The following DLGAP2 variants were observed in gnomAD, a reference collection of about 807,000 sequenced individuals.
The protein encoded by DLGAP2 is DLG associated protein 2, also known as disks large-associated protein 2.
In DLGAP2, 26 loss-of-function variants were observed where a neutral mutation model predicts 100.3. The ratio of observed to expected loss-of-function variants is 0.26; its 90% confidence interval spans 0.19 to 0.36. DLGAP2 has a LOEUF of 0.36. Ranked by LOEUF, DLGAP2 falls within the 10% of genes least tolerant of loss-of-function variation. The probability of loss-of-function intolerance (pLI) is 1.00; values close to 1 mark genes in which losing one functional copy is unlikely to be tolerated. For synonymous variants in DLGAP2, 886 were observed against 630.1 expected (o/e 1.41, Z -6.08); for missense variants, 1,858 against 1,453.2 (o/e 1.28, Z -4.53).
At chr8:1,629,247 G>T (rs1037927559) in intron 7 of DLGAP2, among the ~76,000 whole-genome samples, 2 of 152,178 alleles carry the variant, frequency 1.3e-5, no homozygotes, top group African/African-American at 4.8e-5. Flanking sequence ...ACTCAAGAAG[G>T]ATACCACCTC....
At chr8:1,184,231 C>G (rs904093730) in intron 2 of DLGAP2, among the ~76,000 whole-genome samples, 2 of 152,200 alleles carry the variant, frequency 1.3e-5, no homozygotes, top group Non-Finnish European at 2.9e-5. Context: ...TTAAGTTGCA[C>G]TAAAGAGAAC....
intron 2 of DLGAP2, among the ~76,000 whole-genome samples, chr8:1,232,532 G>C (rs1019751905): frequency 6.6e-6 from 1 of 152,244 alleles, no homozygotes; most frequent in Non-Finnish European, 1.5e-5. Flanking sequence ...ACTGTGCTGG[G>C]CTGAGGCTCA....
At chr8:777,973 A>G (rs1430697817) in intron 1 of DLGAP2, among the ~76,000 whole-genome samples, 3 of 151,990 alleles carry the variant, frequency 2.0e-5, no homozygotes, top group African/African-American at 7.3e-5. Flanking sequence ...TCTCCCCATC[A>G]CTTTCAGGTA....
At chr8:1,057,084 G>T (rs1802904150) in intron 2 of DLGAP2, among the ~76,000 whole-genome samples, 1 of 152,184 alleles carries the variant, frequency 6.6e-6, no homozygotes, top group African/African-American at 2.4e-5. Flanking sequence ...ATATTTTTCT[G>T]CATGAAAATG....
chr8:1,537,074 TGTGGTA>T (rs1801177729), intron 4 of DLGAP2, among the ~76,000 whole-genome samples: 1 of 151,262 alleles, frequency 6.6e-6, no homozygotes, highest in Non-Finnish European at 1.5e-5. Flanking sequence ...GTATGTGGTA[TGTGGTA>T]TGTGGTATGT....
intron 7 of DLGAP2, among the ~76,000 whole-genome samples, chr8:1,628,294 G>A (rs1260764762): frequency 6.8e-6 from 1 of 146,044 alleles, no homozygotes; most frequent in Non-Finnish European, 1.5e-5. Flanking sequence ...GACTTACTGT[G>A]GAGCAGGAAT....
At chr8:947,437 C>T (rs1051975920) in intron 2 of DLGAP2, among the ~76,000 whole-genome samples, 20 of 152,222 alleles carry the variant, frequency 1.3e-4, no homozygotes, top group African/African-American at 3.1e-4. Flanking sequence ...AGGCCCCTTA[C>T]GTCCGCGCGG....
chr8:1,449,834 T>C (rs13250345), intron 3 of DLGAP2, among the ~76,000 whole-genome samples: 21,215 of 75,210 alleles, frequency 0.28, 2,203 homozygotes, highest in East Asian at 0.48. Context: ...TCGGTGGCTG[T>C]GACTGTAGCG....
At chr8:1,103,868 T>C (rs1386261455) in intron 2 of DLGAP2, among the ~76,000 whole-genome samples, 3 of 152,130 alleles carry the variant, frequency 2.0e-5, no homozygotes, top group Non-Finnish European at 4.4e-5. Flanking sequence ...TGGAAATCAG[T>C]TCGAGGGGTC....
At chr8:1,507,190 G>C (rs745935048) in intron 4 of DLGAP2, among the ~76,000 whole-genome samples, 3 of 152,234 alleles carry the variant, frequency 2.0e-5, no homozygotes, top group Non-Finnish European at 2.9e-5. Context: ...AATGGGACCG[G>C]GCGCCGCGGA....
intron 3 of DLGAP2, among the ~76,000 whole-genome samples, chr8:1,465,012 A>G (rs938303602): frequency 1.3e-5 from 2 of 152,244 alleles, no homozygotes; most frequent in African/African-American, 4.8e-5. Flanking sequence ...CGATGACCAA[A>G]TGTTGGGGGC....
chr8:795,407 T>A (rs2132645324), intron 1 of DLGAP2, among the ~76,000 whole-genome samples: 1 of 152,326 alleles, frequency 6.6e-6, no homozygotes, highest in Admixed American at 6.5e-5. Context: ...GCACTTAGAC[T>A]GTCTAGACAG....
chr8:1,455,081 C>T (rs1798269960), intron 3 of DLGAP2, among the ~76,000 whole-genome samples: 1 of 152,232 alleles, frequency 6.6e-6, no homozygotes, highest in African/African-American at 2.4e-5. Flanking sequence ...ACATCATCAG[C>T]TCCTTGGCTG....
intron 3 of DLGAP2, among the ~76,000 whole-genome samples, chr8:1,411,410 C>G (rs111584671): frequency 5.9e-4 from 90 of 152,342 alleles, no homozygotes; most frequent in African/African-American, 2.0e-3. Context: ...GCACGAAGGA[C>G]TTGACCCCTG....
Position 1,536,387 on chromosome 8 carries a change from C to G in DLGAP2, c.173-12239C>G, listed in dbSNP as rs540944153. Among the ~76,000 whole-genome samples the G allele has an allele frequency of 2.0e-5, 3 of 152,322 alleles. No individual in the cohort carries two copies. The South Asian group carries it at 6.2e-4, about 32-fold the overall frequency. On this transcript the variant is annotated intron_variant, in intron 4 of 14. Coordinates refer to ENST00000637795, the MANE Select transcript of DLGAP2 (RefSeq NM_001346810.2). ...TCATTTCATACCCGAGAACCAATATCTTATTCATTCCTAAAAAAGGATTAT... is the reference window on the plus strand; with the variant it reads ...TCATTTCATACCCGAGAACCAATATGTTATTCATTCCTAAAAAAGGATTAT...
Position 1,445,848 on chromosome 8 carries a change from G to A in DLGAP2, c.107-55518G>A, listed in dbSNP as rs1428395122. ...CATTTCTCTGATGGCCAGTGATGAT[G>A]AGCATATTTTCATGTGGTTTTTGGC... On this transcript the variant is annotated intron_variant, in intron 3 of 14. Coordinates refer to ENST00000637795, the MANE Select transcript of DLGAP2 (RefSeq NM_001346810.2). Among the ~76,000 whole-genome samples the A allele has an allele frequency of 2.0e-5, 3 of 152,238 alleles. No homozygotes were observed. In the East Asian group the frequency reaches 5.8e-4, roughly 29 times the overall value.
chr8:771,945 C>T (rs1291918585), intron 1 of DLGAP2, among the ~76,000 whole-genome samples: 1 of 152,138 alleles, frequency 6.6e-6, no homozygotes. Flanking sequence ...TCTCTGTCTC[C>T]AGGCTGGAGT....
rs1480706766 is a variant in DLGAP2, at chr8:1,702,288, C to G, written c.*882C>G. The G allele has an allele frequency of 6.6e-6, 1 of 151,902 alleles. No homozygotes were observed. The highest frequency in any genetic ancestry group is 2.4e-5 in the African/African-American group (1 of 41,254). 9.4% of individuals were successfully genotyped at this position (151,902 alleles called of 1,614,324 possible). ...TCTTTAAGTTTCACCATTTACGCTA[C>G]ATGTGATTTTTTTAATGTATGTATA... is the stretch of plus-strand genomic sequence containing the variant. On this transcript the variant is annotated 3_prime_UTR_variant, in exon 15 of 15. Coordinates refer to ENST00000637795, the MANE Select transcript of DLGAP2 (RefSeq NM_001346810.2).
At chr8:1,321,391 C>T (rs1585257594) in intron 3 of DLGAP2, among the ~76,000 whole-genome samples, 1 of 151,850 alleles carries the variant, frequency 6.6e-6, no homozygotes, top group South Asian at 2.1e-4. Context: ...ATCCGTGTGT[C>T]TCTGCATGTG....
Sources: gnomAD v4.1 joint callset for allele counts (sites outside exome capture counted in the v4.1 genomes callset) on GRCh38, gnomAD v4.1.1 for gene constraint, MANE v1.5 for transcripts, NCBI Gene and HGNC (gene_info 2026-07-23, HGNC 2026-07-21) for gene names.